VAPB: variants seen among roughly 807,000 people sequenced by gnomAD.
The protein encoded by VAPB is vesicle-associated membrane protein-associated protein B/C.
Under a neutral mutation model 25.6 loss-of-function variants are expected in VAPB, and 7 were observed. The observed-to-expected ratio is 0.27, with a 90% CI of 0.16 to 0.51. VAPB has a LOEUF of 0.51. Ranked by LOEUF, VAPB falls within the 20% of genes least tolerant of loss-of-function variation. The pLI is 0.97. For synonymous variants in VAPB, 112 were observed against 109.2 expected, an observed-to-expected ratio of 1.03 and a Z score of -0.16; for missense variants, 266 against 301.3, an observed-to-expected ratio of 0.88 and a Z score of 0.87.
Position 58,446,853 on chromosome 20 carries a change from C to G in VAPB, c.*2618C>G. 2.2e-6 allele frequency: 1 copy of G among 454,056 alleles called. No individual in the cohort carries two copies. Among genetic ancestry groups the G allele is most frequent in the Non-Finnish European group, 4.4e-6 (1 of 226,766 alleles). The allele number at this position is 454,056 out of a possible 1,614,324, so 28.1% of individuals were successfully genotyped here. On this transcript the variant is annotated 3_prime_UTR_variant, in exon 6 of 6. Coordinates refer to ENST00000475243, the MANE Select transcript of VAPB (RefSeq NM_004738.5). ...AAAGAATGTGGAGCACGCGTGGCTCCTGGAGGACTTGGAGATGCATGCACA... is the reference window on the plus strand; with the variant it reads ...AAAGAATGTGGAGCACGCGTGGCTCGTGGAGGACTTGGAGATGCATGCACA...
chr20:58,418,245 G>T lies in VAPB; in HGVS notation c.93G>T (p.Lys31Asn), dbSNP rs989909629. The change falls in exon 2 of 6, where the codon AAG (lysine) becomes AAT (asparagine). Residue 31 changes from lysine (K) to asparagine (N), a missense_variant. Transcript: ENST00000475243. Reference protein sequence around the residue: ...PFTDVVTTNLKLGNPTDRNVC... With the variant: ...PFTDVVTTNLNLGNPTDRNVC... ...CCGATGTTGTCACCACCAACCTAAA[G>T]CTTGGCAACCCGACAGACCGAAATG... 27 of 1,613,984 alleles carry T rather than the reference G, an allele frequency of 1.7e-5. No homozygotes were observed. The highest frequency in any genetic ancestry group is 2.3e-5 in the Non-Finnish European group (27 of 1,180,038).
At chr20:58,422,986 C>G (rs1176725886) in intron 2 of VAPB, among the ~76,000 whole-genome samples, 2 of 152,134 alleles carry the variant, frequency 1.3e-5, no homozygotes, top group South Asian at 2.1e-4. Context: ...AAGACAAACA[C>G]AAAACTCCCA....
rs1568720020 is a variant in VAPB, at chr20:58,441,055, G to A, written c.545G>A (p.Arg182Lys). The change falls in exon 5 of 6, where the codon AGG (arginine) becomes AAG (lysine). Residue 182 changes from arginine to lysine, a missense_variant. By Grantham distance (26) the Arg-to-Lys change is conservative. Transcript: ENST00000475243. ...ECKRLQGEVQRLREENKQFKE... is the reference protein window; with the variant it reads ...ECKRLQGEVQKLREENKQFKE... The stretch of plus-strand genomic sequence containing the variant: ...AAGAGGCTGCAAGGTGAAGTTCAGA[G>A]GCTACGGGAGGAGAACAAGCAGTTC... 1 of 1,614,064 alleles carries A rather than the reference G, an allele frequency of 6.2e-7. No individual in the cohort carries two copies. The highest frequency in any genetic ancestry group is 8.5e-7 in the Non-Finnish European group (1 of 1,179,992).
At position 58,441,015 on chromosome 20, in the gene VAPB, G is replaced by T. The variant is rs759760356; in HGVS notation, c.505G>T (p.Val169Phe). ...TTTGGATGACACCGAAGTTAAGAAG[G>T]TTATGGAAGAATGTAAGAGGCTGCA... ...SSLDDTEVKK[V>F]MEECKRLQGE... The change falls in exon 5 of 6, where the codon GTT becomes TTT. Residue 169 changes from valine (V) to phenylalanine (F), a missense_variant. Physicochemically the swap from Val to Phe is conservative, Grantham distance 50. This residue lies in a region of VAPB where 136 missense variants were observed against 130.7 expected (regional missense o/e 1.04). Transcript: ENST00000475243. 6.2e-7 allele frequency: 1 copy of T among 1,614,130 alleles called. No homozygotes were observed.
Position 58,447,383 on chromosome 20 carries a change from T to C in VAPB, c.*3148T>C. On this transcript the variant is annotated 3_prime_UTR_variant, in exon 6 of 6. Transcript: ENST00000475243. ...TCTGAACTGCTGGCACCAGCAGTAA[T>C]ACATACTGATAAAATCAAAATTGAT... 1 of 454,134 alleles carries C rather than the reference T, an allele frequency of 2.2e-6. No individual in the cohort carries two copies. Among genetic ancestry groups the C allele is most frequent in the South Asian group, 1.6e-5 (1 of 64,478 alleles). 28.1% of individuals were successfully genotyped at this position (454,134 alleles called of 1,614,324 possible).
rs1268154525 is a variant in VAPB, at chr20:58,444,526, C to G, written c.*291C>G. The G allele has an allele frequency of 1.9e-6, 1 of 531,020 alleles. No homozygotes were observed. The highest frequency in any genetic ancestry group is 3.6e-6 in the Non-Finnish European group (1 of 277,422). 32.9% of individuals were successfully genotyped at this position (531,020 alleles called of 1,614,324 possible). On this transcript the variant is annotated 3_prime_UTR_variant, in exon 6 of 6. Coordinates refer to ENST00000475243, the MANE Select transcript of VAPB (RefSeq NM_004738.5). ...TGCCACAATGGCATATTGTAAATGT[C>G]ATTTTAAACATTGGTAGGCCTTGGT...
Position 58,445,589 on chromosome 20 carries a change from G to A in VAPB, c.*1354G>A, listed in dbSNP as rs755984397. On this transcript the variant is annotated 3_prime_UTR_variant, in exon 6 of 6. Coordinates refer to ENST00000475243, the MANE Select transcript of VAPB (RefSeq NM_004738.5). ...TTTTGTCACATTTGCTCTATGGGGG[G>A]AATTATTATTTTATCATTTTTATTA... 2.6e-5 allele frequency: 12 copies of A among 453,982 alleles called. No individual in the cohort carries two copies. The highest frequency in any genetic ancestry group is 4.9e-5 in the Non-Finnish European group (11 of 226,726). 28.1% of individuals were successfully genotyped at this position (453,982 alleles called of 1,614,324 possible). A position where few individuals can be genotyped will look rare whatever the true frequency, so the allele number is the denominator to read the frequency against.
intron 2 of VAPB, among the ~76,000 whole-genome samples, chr20:58,423,343 C>T (rs781190843): frequency 1.6e-5 from 2 of 125,020 alleles, no homozygotes; most frequent in Non-Finnish European, 1.6e-5. Context: ...GCCTGGGAGG[C>T]GGAGGTTGCA....
In VAPB at chr20:58,446,386, C is replaced by T. The variant is rs770110730; in HGVS notation, c.*2151C>T. The stretch of plus-strand genomic sequence containing the variant: ...GATAGGAGAGTGCTTAGGTGGTCCC[C>T]AACAGTGCCTAGGGGTACAGTACAG... On this transcript the variant is annotated 3_prime_UTR_variant, in exon 6 of 6. Transcript: ENST00000475243. The T allele has an allele frequency of 4.4e-6, 2 of 454,086 alleles. No homozygotes were observed. The highest frequency in any genetic ancestry group is 3.1e-5 in the South Asian group (2 of 64,470). The allele number at this position is 454,086 out of a possible 1,614,324, so 28.1% of individuals were successfully genotyped here.
intron 1 of VAPB, among the ~76,000 whole-genome samples, chr20:58,404,543 T>G (rs1988180549): frequency 6.6e-6 from 1 of 152,252 alleles, no homozygotes; most frequent in African/African-American, 2.4e-5. Context: ...GGTAGTATAC[T>G]GCCCAGGAGT....
intron 2 of VAPB, among the ~76,000 whole-genome samples, chr20:58,432,036 G>A (rs1255955730): frequency 6.6e-6 from 1 of 152,120 alleles, no homozygotes; most frequent in Non-Finnish European, 1.5e-5. Context: ...TGGGGATGAA[G>A]AAGCTGAGGG....
intron 1 of VAPB, among the ~76,000 whole-genome samples, chr20:58,413,695 G>A (rs959410131): frequency 1.3e-5 from 2 of 151,866 alleles, no homozygotes; most frequent in African/African-American, 4.8e-5. Context: ...CCAGGCAGAG[G>A]GGCTCCTCAC....
intron 5 of VAPB, among the ~76,000 whole-genome samples, 181 bp from the exon 6 acceptor site, chr20:58,443,896 C>T (rs1350325097): frequency 6.6e-6 from 1 of 152,186 alleles, no homozygotes. Context: ...ACTGTTTTCT[C>T]AGTGGCTTCA....
At chr20:58,413,817 C>T (rs371145690) in intron 1 of VAPB, among the ~76,000 whole-genome samples, 13,197 of 138,474 alleles carry the variant, frequency 0.095, 705 homozygotes, top group East Asian at 0.24. Flanking sequence ...GCTGGCCGGG[C>T]GGGGGGCTGA....
At chr20:58,427,055 T>C (rs990603165) in intron 2 of VAPB, among the ~76,000 whole-genome samples, 23 of 151,900 alleles carry the variant, frequency 1.5e-4, no homozygotes, top group Admixed American at 1.3e-3. Flanking sequence ...GTTACCATTA[T>C]GATGCAGACG....
chr20:58,396,344 A>G (rs1323573609), intron 1 of VAPB, among the ~76,000 whole-genome samples: 2 of 152,134 alleles, frequency 1.3e-5, no homozygotes, highest in African/African-American at 4.8e-5. Flanking sequence ...TTCAATTACT[A>G]CATTGTTGGC....
In VAPB at chr20:58,447,801, A is replaced by G. The variant is rs114038495; in HGVS notation, c.*3566A>G. 6 of 454,082 alleles carry G rather than the reference A, an allele frequency of 1.3e-5. No homozygotes were observed. The highest frequency in any genetic ancestry group is 7.8e-5 in the South Asian group (5 of 64,474). 28.1% of individuals were successfully genotyped at this position (454,082 alleles called of 1,614,324 possible). On this transcript the variant is annotated 3_prime_UTR_variant, in exon 6 of 6. Coordinates refer to ENST00000475243, the MANE Select transcript of VAPB (RefSeq NM_004738.5). ...AATCCATGCCAAAATACAATGTTAT[A>G]TGTCATTTTCAGCTCCTTCTCTAAA... is the stretch of plus-strand genomic sequence containing the variant.
intron 1 of VAPB, among the ~76,000 whole-genome samples, chr20:58,414,160 CTGGCCGGGCGGGGGGCTG>C (rs1988462214): frequency 7.9e-6 from 1 of 126,486 alleles, no homozygotes; most frequent in Non-Finnish European, 1.7e-5. Context: ...GACGGGGCGG[CTGGCCGGGCGGGGGGCTG>C]ACCCCCCACC....
rs941021776 is a variant in VAPB, at chr20:58,446,097, A to G, written c.*1862A>G. On this transcript the variant is annotated 3_prime_UTR_variant, in exon 6 of 6. Transcript: ENST00000475243. Reference sequence around the variant, plus strand: ...AAAAAGTTGACTTTGAATCCCAGGTACTCACAGAAATGGTGAACAGACTTA... The same window carrying G: ...AAAAAGTTGACTTTGAATCCCAGGTGCTCACAGAAATGGTGAACAGACTTA... 4.4e-6 allele frequency: 2 copies of G among 453,924 alleles called. No homozygotes were observed. The highest frequency in any genetic ancestry group is 8.8e-6 in the Non-Finnish European group (2 of 226,792). 28.1% of individuals were successfully genotyped at this position (453,924 alleles called of 1,614,324 possible).
Sources: gnomAD v4.1 joint callset for allele counts (sites outside exome capture counted in the v4.1 genomes callset) on GRCh38, gnomAD v4.1.1 for gene constraint, gnomAD v4.1.1 regional missense constraint, MANE v1.5 for transcripts, NCBI Gene and HGNC (gene_info 2026-07-23, HGNC 2026-07-21) for gene names.